The following SMIM27 variants were observed in gnomAD, a reference collection of about 807,000 sequenced individuals.
The protein encoded by SMIM27 is TOPORS antisense RNA 1 (non-protein coding).
Under a neutral mutation model 1.8 loss-of-function variants are expected in SMIM27, and 3 were observed. That is an observed-to-expected ratio of 1.65 (90% CI 0.75 to 4.28). The LOEUF (loss-of-function observed/expected upper bound fraction) is 4.28. Among genes scored for constraint, SMIM27 ranks in the 30% most tolerant of loss-of-function variants. The pLI is 0.02. For synonymous variants in SMIM27, 19 were observed against 13.9 expected, an observed-to-expected ratio of 1.37 and a Z score of -0.82; for missense variants, 63 against 37.0, an observed-to-expected ratio of 1.70 and a Z score of -1.83.
chr9:32,553,993 G>T (rs773913761), downstream of SMIM27: 6 of 1,182,028 alleles, frequency 5.1e-6, no homozygotes, highest in South Asian at 1.3e-5. Context: ...GTCTACAGAG[G>T]TGATAGTTCT....
downstream of SMIM27, chr9:32,553,676 T>C (rs1821369797): frequency 1.9e-6 from 1 of 520,780 alleles, no homozygotes; most frequent in South Asian, 2.5e-5. Context: ...AAAAAGTAGG[T>C]AGTCTCTCAT....
chr9:32,556,846 CT>C (rs10703297), downstream of SMIM27, among the ~76,000 whole-genome samples: 534 of 82,372 alleles, frequency 6.5e-3, no homozygotes, highest in Middle Eastern at 0.032. Flanking sequence ...AAATCCCCTA[CT>C]TTTTTTTTTT....
rs961708737 is a variant in SMIM27, at chr9:32,552,390, C to A, written c.-45C>A. The A allele has an allele frequency of 6.2e-7, 1 of 1,606,614 alleles. No individual in the cohort carries two copies. The highest frequency in any genetic ancestry group is 8.5e-7 in the Non-Finnish European group (1 of 1,177,084). On this transcript the variant is annotated 5_prime_UTR_variant, in exon 1 of 2. Coordinates refer to ENST00000692500, the MANE Select transcript of SMIM27 (RefSeq NM_001387564.1). ...ACCGCCTGGGAGGTTACTGTAAGGCCCGCAGCTCCCGCCAGCTCCCGCGGA... is the reference window on the plus strand; with the variant it reads ...ACCGCCTGGGAGGTTACTGTAAGGCACGCAGCTCCCGCCAGCTCCCGCGGA...
downstream of SMIM27, chr9:32,553,770 TTC>T (rs1175129676): frequency 6.6e-6 from 5 of 762,424 alleles, no homozygotes; most frequent in Admixed American, 2.5e-5. Context: ...ATATGACAAT[TTC>T]TGAGATTAAA....
At chr9:32,551,879 A>G (rs1238897412), upstream of SMIM27, 15 of 400,370 alleles carry the variant, frequency 3.7e-5, no homozygotes, top group Admixed American at 4.1e-4. Flanking sequence ...GGCTCGATTT[A>G]CAGGGGTTCC....
intron 1 of SMIM27, among the ~76,000 whole-genome samples, chr9:32,562,185 C>T (rs1821644795): frequency 6.6e-6 from 1 of 152,158 alleles, no homozygotes. Context: ...AACTTTTTTC[C>T]TCCGTACTCT....
chr9:32,560,658 A>C (rs1326404963), intron 1 of SMIM27, among the ~76,000 whole-genome samples: 3 of 152,338 alleles, frequency 2.0e-5, no homozygotes, highest in African/African-American at 7.2e-5. Flanking sequence ...TTTACCATAT[A>C]AATACTTCGA....
intron 1 of SMIM27, among the ~76,000 whole-genome samples, chr9:32,562,026 C>T (rs1165503555): frequency 1.3e-5 from 2 of 152,174 alleles, no homozygotes; most frequent in Non-Finnish European, 1.5e-5. Flanking sequence ...ACATGCAGTT[C>T]AACTTCTTCT....
chr9:32,557,669 G>A (rs979651745), downstream of SMIM27, among the ~76,000 whole-genome samples: 1 of 151,780 alleles, frequency 6.6e-6, no homozygotes, highest in Non-Finnish European at 1.5e-5. Flanking sequence ...AGTAGAGACG[G>A]GGTTTCACCA....
chr9:32,553,355 A>G (rs1691953255), downstream of SMIM27: 2 of 167,630 alleles, frequency 1.2e-5, no homozygotes, highest in Admixed American at 1.2e-4. Context: ...CGCCCGGCTA[A>G]TTTTTTTGTA....
chr9:32,554,271 G>A (rs1271954168), downstream of SMIM27, among the ~76,000 whole-genome samples: 1 of 152,180 alleles, frequency 6.6e-6, no homozygotes, highest in Non-Finnish European at 1.5e-5. Context: ...GAAGTTGCAA[G>A]GAAACATCTG....
At chr9:32,557,996 T>C (rs189494743), downstream of SMIM27, among the ~76,000 whole-genome samples, 199 of 152,348 alleles carry the variant, frequency 1.3e-3, 1 homozygote, top group Non-Finnish European at 1.7e-3. Flanking sequence ...GTATGTATTC[T>C]ACTATGCTAA....
exon 2 of SMIM27, chr9:32,566,559 T>C (rs1821796127): frequency 1.3e-6 from 1 of 778,836 alleles, no homozygotes; most frequent in South Asian, 1.4e-5. Flanking sequence ...GCCGTCGTAC[T>C]GCACAGACTG....
downstream of SMIM27, among the ~76,000 whole-genome samples, chr9:32,557,295 C>G (rs551065878): frequency 6.7e-6 from 1 of 150,222 alleles, no homozygotes; most frequent in South Asian, 2.1e-4. Context: ...CTCCAGGTAG[C>G]TGGGATTACA....
chr9:32,553,064 C>T (rs1050297638), downstream of SMIM27: 12 of 520,590 alleles, frequency 2.3e-5, no homozygotes, highest in Admixed American at 2.2e-4. Context: ...AAATTTTTCA[C>T]TTAGAGATTT....
At position 32,552,888 on chromosome 9, in the gene SMIM27, C is replaced by A; in HGVS notation, c.133C>A (p.Pro45Thr). The change falls in exon 2 of 2, where the codon CCA becomes ACA. Residue 45 changes from proline (P) to threonine (T), a missense_variant. Coordinates refer to ENST00000692500, the MANE Select transcript of SMIM27 (RefSeq NM_001387564.1). ...SARRQLRKKY[P>T]DKIFGTNENL ...AAGACGACAGCTAAGGAAGAAATAC[C>A]CAGACAAAATCTTTGGGACGAATGA... 1.4e-6 allele frequency: 1 copy of A among 702,610 alleles called. No individual in the cohort carries two copies. Among genetic ancestry groups the A allele is most frequent in the Non-Finnish European group, 2.6e-6 (1 of 384,784 alleles). 43.5% of individuals were successfully genotyped at this position (702,610 alleles called of 1,614,324 possible).
intron 1 of SMIM27, among the ~76,000 whole-genome samples, chr9:32,564,583 A>C (rs1821724720): frequency 6.6e-6 from 1 of 152,222 alleles, no homozygotes; most frequent in Non-Finnish European, 1.5e-5. Flanking sequence ...AGTATCATAA[A>C]ATACATGATT....
chr9:32,553,678 G>T (rs1480914496), downstream of SMIM27: 4 of 523,740 alleles, frequency 7.6e-6, no homozygotes, highest in South Asian at 9.9e-5. Flanking sequence ...AAAGTAGGTA[G>T]TCTCTCATAT....
downstream of SMIM27, among the ~76,000 whole-genome samples, chr9:32,556,078 T>C (rs1270603485): frequency 9.9e-6 from 1 of 101,308 alleles, no homozygotes; most frequent in Admixed American, 8.8e-5. Context: ...CTGGAGATCA[T>C]GGATTTGGGG....
Sources: gnomAD v4.1 joint callset for allele counts (sites outside exome capture counted in the v4.1 genomes callset) on GRCh38, gnomAD v4.1.1 for gene constraint, MANE v1.5 for transcripts, NCBI Gene and HGNC (gene_info 2026-07-23, HGNC 2026-07-21) for gene names.